The following PCDHA7 variants were observed in gnomAD, a reference collection of about 807,000 sequenced individuals.
PCDHA7 encodes protocadherin alpha-7.
A neutral mutation model predicts 57.2 loss-of-function variants in PCDHA7; 37 were observed. That is an observed-to-expected ratio of 0.65 (90% CI 0.50 to 0.85). PCDHA7 has a LOEUF of 0.85. PCDHA7 is among the 40% of genes least tolerant of loss of function. The pLI is 0.00. For missense variants in PCDHA7, 1,188 were observed against 1,241.8 expected (o/e 0.96, Z 0.65); for synonymous variants, 553 against 558.8 (o/e 0.99, Z 0.15).
chr5:140,892,218 T>C (rs182162644), intron 1 of PCDHA7, among the ~76,000 whole-genome samples: 23 of 152,308 alleles, frequency 1.5e-4, no homozygotes, highest in Admixed American at 1.4e-3. Context: ...ATTGTATCTT[T>C]ATGGTGTTTT....
intron 1 of PCDHA7, chr5:140,860,591 G>A (rs1379623651): frequency 6.6e-6 from 1 of 152,168 alleles, no homozygotes; most frequent in Non-Finnish European, 1.5e-5. Context: ...TAGGAAAGGA[G>A]TTGGAAGCTC....
At chr5:140,998,850 A>T (rs904977478) in intron 3 of PCDHA7, among the ~76,000 whole-genome samples, 1 of 152,234 alleles carries the variant, frequency 6.6e-6, no homozygotes, top group African/African-American at 2.4e-5. Context: ...GGTGTGAGCC[A>T]CATGCCTGGC....
chr5:140,921,282 A>C (rs1208744523), intron 1 of PCDHA7, among the ~76,000 whole-genome samples: 1 of 152,224 alleles, frequency 6.6e-6, no homozygotes, highest in Non-Finnish European at 1.5e-5. Flanking sequence ...CTTGAAAAAA[A>C]CCTCAAATTT....
chr5:140,871,504 C>G (rs782640295), intron 1 of PCDHA7: 2 of 1,581,824 alleles, frequency 1.3e-6, no homozygotes, highest in African/African-American at 1.3e-5. Context: ...GGTGAGTTTT[C>G]TACAGATTCC....
chr5:140,886,843 A>G (rs1247447766), intron 1 of PCDHA7, among the ~76,000 whole-genome samples: 8 of 150,852 alleles, frequency 5.3e-5, no homozygotes, highest in African/African-American at 1.5e-4. Flanking sequence ...AAAAAAAAAA[A>G]AAAAGAAAGG....
chr5:140,853,436 T>C (rs1442377806), intron 1 of PCDHA7: 3 of 984,616 alleles, frequency 3.0e-6, no homozygotes, highest in African/African-American at 3.5e-5. Flanking sequence ...CACTTTCCTA[T>C]TTTGCCTAAT....
At chr5:140,869,126 G>C in intron 1 of PCDHA7, 1 of 1,611,852 alleles carries the variant, frequency 6.2e-7, no homozygotes, top group African/African-American at 1.3e-5. Context: ...CAGAGAAGGG[G>C]ATTGGGCACC....
intron 1 of PCDHA7, chr5:140,856,396 C>G: frequency 6.3e-7 from 1 of 1,598,526 alleles, no homozygotes. Flanking sequence ...TGCAGGTTTT[C>G]CATGTGGACG....
At chr5:141,004,843 A>G (rs2098184369) in intron 3 of PCDHA7, among the ~76,000 whole-genome samples, 1 of 152,230 alleles carries the variant, frequency 6.6e-6, no homozygotes, top group African/African-American at 2.4e-5. Context: ...CAAAGTCATT[A>G]GTCTCAGAGA....
At chr5:140,926,333 C>A (rs1244364456) in intron 1 of PCDHA7, 3 of 152,288 alleles carry the variant, frequency 2.0e-5, no homozygotes, top group African/African-American at 7.2e-5. Flanking sequence ...GGTCAGAGCG[C>A]CGGGACCCGA....
intron 1 of PCDHA7, chr5:140,850,913 T>G: frequency 6.5e-7 from 1 of 1,539,368 alleles, no homozygotes; most frequent in East Asian, 2.3e-5. Flanking sequence ...GCATTTTATT[T>G]ATTTATATAA....
chr5:140,937,292 C>T (rs575821972), intron 1 of PCDHA7, among the ~76,000 whole-genome samples: 2 of 152,238 alleles, frequency 1.3e-5, no homozygotes, highest in African/African-American at 4.8e-5. Context: ...CCGCTTCGGC[C>T]TCCCAAAGTG....
chr5:140,941,214 C>CTTTCTTTCTTTCTTT (rs1554214039), intron 1 of PCDHA7, among the ~76,000 whole-genome samples: 5,375 of 122,186 alleles, frequency 0.044, 196 homozygotes, highest in South Asian at 0.066. Flanking sequence ...TTTCTTTCTT[C>CTTTCTTTCTTTCTTT]CTTTCTTTCT....
At chr5:140,942,544 G>A (rs546340510) in intron 1 of PCDHA7, among the ~76,000 whole-genome samples, 105 of 152,118 alleles carry the variant, frequency 6.9e-4, no homozygotes, top group African/African-American at 2.5e-3. Flanking sequence ...TATGGTGGGG[G>A]GTAGGGGGTT....
At chr5:140,842,540 T>A in intron 1 of PCDHA7, 1 of 1,610,630 alleles carries the variant, frequency 6.2e-7, no homozygotes. Context: ...TTACTACTCG[T>A]TGGTGCTGGA....
chr5:140,870,678 G>A (rs1304914174), intron 1 of PCDHA7: 3 of 1,612,744 alleles, frequency 1.9e-6, no homozygotes, highest in Non-Finnish European at 2.5e-6. Context: ...TGGACCACGA[G>A]GAGCTGGAGC....
At chr5:141,005,633 C>T (rs1292206901) in intron 3 of PCDHA7, among the ~76,000 whole-genome samples, 2 of 126,368 alleles carry the variant, frequency 1.6e-5, no homozygotes. Context: ...ACCCGGGAGG[C>T]GGAGCTTGCA....
chr5:140,854,193 C>T (rs989719684), intron 1 of PCDHA7: 2 of 563,742 alleles, frequency 3.5e-6, no homozygotes, highest in African/African-American at 2.1e-5. Flanking sequence ...TTTAACTACT[C>T]CCTACTTTTT....
At chr5:140,956,085 A>T (rs1338013265) in intron 1 of PCDHA7, among the ~76,000 whole-genome samples, 1 of 152,214 alleles carries the variant, frequency 6.6e-6, no homozygotes, top group Admixed American at 6.5e-5. Context: ...GGATCATGTC[A>T]TCTGCAAACA....
Sources: gnomAD v4.1 joint callset for allele counts (sites outside exome capture counted in the v4.1 genomes callset) on GRCh38, gnomAD v4.1.1 for gene constraint, MANE v1.5 for transcripts, NCBI Gene and HGNC (gene_info 2026-07-23, HGNC 2026-07-21) for gene names.